The following CNTNAP3B variants were observed in gnomAD, a reference collection of about 807,000 sequenced individuals.
CNTNAP3B encodes contactin-associated protein-like 3B.
A neutral mutation model predicts 108.9 loss-of-function variants in CNTNAP3B; 25 were observed. That is an observed-to-expected ratio of 0.23 (90% CI 0.17 to 0.32). The LOEUF is 0.32. Among genes scored for constraint, CNTNAP3B ranks in the 10% least tolerant of loss-of-function variants. The pLI is 1.00. For missense variants in CNTNAP3B, 252 were observed against 1,210.4 expected (o/e 0.21, Z 11.75); for synonymous variants, 103 against 473.4 (o/e 0.22, Z 10.16).
intron 3 of CNTNAP3B, among the ~76,000 whole-genome samples, chr9:42,025,009 G>T (rs1481917958): frequency 1.4e-5 from 2 of 146,120 alleles, no homozygotes; most frequent in African/African-American, 5.2e-5. Context: ...TGTCCCATCT[G>T]TGAATAATTC....
rs1164358641 is a variant in CNTNAP3B, at chr9:42,086,435, T to A, written c.197-9373A>T. Among the ~76,000 whole-genome samples, 2 of 140,138 alleles carry A rather than the reference T, an allele frequency of 1.4e-5. 1 individual carries two copies. Among genetic ancestry groups the A allele is most frequent in the Non-Finnish European group, 3.1e-5 (2 of 65,062 alleles). 91.9% of individuals were successfully genotyped at this position (140,138 alleles called of 152,430 possible). On this transcript the variant is annotated intron_variant, in intron 2 of 23. Coordinates refer to ENST00000377561, the MANE Select transcript of CNTNAP3B (RefSeq NM_001201380.3). The stretch of plus-strand genomic sequence containing the variant: ...TTTTTTACATTTTTGCATTTACTTT[T>A]TTTTTTTACATTTTTTTTTACATTT...
chr9:42,003,336 G>C (rs1826037493), intron 4 of CNTNAP3B, among the ~76,000 whole-genome samples: 1 of 84,856 alleles, frequency 1.2e-5, no homozygotes, highest in South Asian at 4.6e-4. Context: ...TCAACATTGA[G>C]AGGAAAACAT....
At chr9:41,917,156 T>C (rs1433337828) in intron 18 of CNTNAP3B, among the ~76,000 whole-genome samples, 1 of 150,598 alleles carries the variant, frequency 6.6e-6, no homozygotes, top group East Asian at 1.9e-4. Flanking sequence ...TATTTTCAAT[T>C]ACGTATATGT....
intron 10 of CNTNAP3B, among the ~76,000 whole-genome samples, chr9:41,968,000 C>A (rs1318010912): frequency 1.2e-4 from 19 of 152,344 alleles, no homozygotes; most frequent in African/African-American, 4.3e-4. Flanking sequence ...TCTTAGAGAC[C>A]AAGTTAGGCA....
chr9:41,961,817 A>G (rs1353661974), intron 11 of CNTNAP3B, among the ~76,000 whole-genome samples: 382 of 151,940 alleles, frequency 2.5e-3, no homozygotes, highest in African/African-American at 9.0e-3. Context: ...GCATAATTGA[A>G]TATTTTCATT....
rs1481195914 is a variant in CNTNAP3B at position 42,123,681 on chromosome 9, C to T, written c.85+5329G>A. 2.9e-5 allele frequency among the ~76,000 whole-genome samples: 4 copies of T among 138,182 alleles called. 1 individual carries two copies. Among genetic ancestry groups the T allele is most frequent in the Admixed American group, 1.5e-4 (2 of 13,702 alleles). 90.7% of individuals were successfully genotyped at this position (138,182 alleles called of 152,430 possible). A position where few individuals can be genotyped will look rare whatever the true frequency, so the allele number is the denominator to read the frequency against. ...TATATATATCATTTTCCTAACTCTA[C>T]ATTTGCCTGAGAAGCAATGACATTC... On this transcript the variant is annotated intron_variant, in intron 1 of 23. Transcript: ENST00000377561.
At chr9:41,934,112 TATATATATATACAC>T (rs1824070927) in intron 14 of CNTNAP3B, among the ~76,000 whole-genome samples, 6 of 126,350 alleles carry the variant, frequency 4.7e-5, no homozygotes, top group African/African-American at 1.8e-4. Context: ...TATATATATA[TATATATATATACAC>T]ACACATATAT....
intron 18 of CNTNAP3B, among the ~76,000 whole-genome samples, chr9:41,916,102 A>G (rs1300991976): frequency 6.8e-6 from 1 of 146,586 alleles, no homozygotes; most frequent in Non-Finnish European, 1.5e-5. Flanking sequence ...AACAAGATCA[A>G]ATAAATATTT....
chr9:41,925,078 G>C (rs986074771), intron 15 of CNTNAP3B, among the ~76,000 whole-genome samples: 4 of 151,980 alleles, frequency 2.6e-5, no homozygotes, highest in African/African-American at 9.7e-5. Flanking sequence ...CATTTGTCCA[G>C]TTTCTCCAAC....
intron 2 of CNTNAP3B, among the ~76,000 whole-genome samples, chr9:42,098,192 T>C (rs2118686510): frequency 7.2e-6 from 1 of 137,950 alleles, no homozygotes; most frequent in African/African-American, 2.9e-5. Context: ...TGTGTGTGTG[T>C]CTACATAGCA....
chr9:42,086,152 G>C (rs11791005), intron 2 of CNTNAP3B, among the ~76,000 whole-genome samples: 1,714 of 140,512 alleles, frequency 0.012, 106 homozygotes, highest in Non-Finnish European at 0.017. Flanking sequence ...GCAAACAAGA[G>C]AGAATGATTA....
intron 9 of CNTNAP3B, among the ~76,000 whole-genome samples, chr9:41,972,941 T>A (rs1825448567): frequency 1.6e-5 from 1 of 64,244 alleles, no homozygotes; most frequent in Admixed American, 2.0e-4. Context: ...GTTATCTTTT[T>A]TTTTTTTTTT....
At chr9:41,927,559 A>G (rs1823855897) in intron 15 of CNTNAP3B, among the ~76,000 whole-genome samples, 2 of 151,432 alleles carry the variant, frequency 1.3e-5, no homozygotes, top group South Asian at 2.1e-4. Flanking sequence ...GGGAGGGAGG[A>G]AGGAAGGAAG....
At chr9:41,933,374 G>A (rs1351594636) in intron 14 of CNTNAP3B, among the ~76,000 whole-genome samples, 355 of 150,474 alleles carry the variant, frequency 2.4e-3, no homozygotes, top group Non-Finnish European at 2.3e-3. Context: ...AATCACCCCC[G>A]ATTGAGAACT....
chr9:41,943,325 A>G (rs956254305), intron 13 of CNTNAP3B, among the ~76,000 whole-genome samples: 9 of 151,652 alleles, frequency 5.9e-5, no homozygotes. Flanking sequence ...GAAACATAAT[A>G]TCCAAACTGT....
chr9:41,963,185 C>T (rs1393194878), intron 11 of CNTNAP3B, among the ~76,000 whole-genome samples: 1 of 152,284 alleles, frequency 6.6e-6, no homozygotes, highest in Admixed American at 6.5e-5. Context: ...TCTCCTGTGG[C>T]TTTTGTGAAA....
At position 42,110,917 on chromosome 9, in the gene CNTNAP3B, T is replaced by C; in HGVS notation, c.86-6178A>G. Among the ~76,000 whole-genome samples, 2 of 140,358 alleles carry C rather than the reference T, an allele frequency of 1.4e-5. 1 individual carries two copies. Among genetic ancestry groups the C allele is most frequent in the Non-Finnish European group, 3.1e-5 (2 of 65,170 alleles). 92.1% of individuals were successfully genotyped at this position (140,358 alleles called of 152,430 possible). On this transcript the variant is annotated intron_variant, in intron 1 of 23. Transcript: ENST00000377561. ...GGAATGCTTCGGAAAAAGTACATTTTACTCACAGTGAACATAAGCAGTGAT... is the reference window on the plus strand; with the variant it reads ...GGAATGCTTCGGAAAAAGTACATTTCACTCACAGTGAACATAAGCAGTGAT...
chr9:42,121,570 G>T (rs1378762137), intron 1 of CNTNAP3B, among the ~76,000 whole-genome samples: 1 of 139,440 alleles, frequency 7.2e-6, no homozygotes, highest in African/African-American at 2.8e-5. Flanking sequence ...GATGAGCTTT[G>T]TCACAGCAAT....
chr9:41,942,328 G>T (rs1407629860), intron 13 of CNTNAP3B, among the ~76,000 whole-genome samples: 2 of 152,198 alleles, frequency 1.3e-5, no homozygotes, highest in Non-Finnish European at 2.9e-5. Context: ...ACAAAAAATT[G>T]GGTCGGGTGA....
Sources: allele counts gnomAD v4.1 joint callset (sites outside exome capture counted in the v4.1 genomes callset), GRCh38; gene constraint gnomAD v4.1.1; transcripts MANE v1.5; gene names NCBI Gene and HGNC (gene_info 2026-07-23, HGNC 2026-07-21).